Variants in ART3 observed in about 807,000 individuals in gnomAD.
The protein encoded by ART3 is ADP-ribosyltransferase 3 (inactive), also known as ecto-ADP-ribosyltransferase 3.
In ART3, 49 loss-of-function variants were observed where a neutral mutation model predicts 48.5. The observed-to-expected ratio is 1.01, with a 90% CI of 0.80 to 1.28. The LOEUF (loss-of-function observed/expected upper bound fraction) is 1.28. Among genes scored for constraint, ART3 ranks in the 50% most tolerant of loss-of-function variants. ART3 has a pLI of 0.00. For synonymous variants in ART3, 145 were observed against 157.2 expected, an observed-to-expected ratio of 0.92 and a Z score of 0.58; for missense variants, 438 against 454.3, an observed-to-expected ratio of 0.96 and a Z score of 0.33.
chr4:76,088,557 C>T (rs564390625), intron 3 of ART3, among the ~76,000 whole-genome samples: 1 of 152,242 alleles, frequency 6.6e-6, no homozygotes, highest in African/African-American at 2.4e-5. Context: ...TCTACCCCAG[C>T]CCTTGTGTGC....
chr4:76,059,067 T>A (rs2149475253), intron 1 of ART3, among the ~76,000 whole-genome samples: 1 of 152,344 alleles, frequency 6.6e-6, no homozygotes, highest in South Asian at 2.1e-4. Context: ...CAAGAGTAGA[T>A]TACAGTCTGT....
In ART3 at chr4:76,043,653, C is replaced by G. The variant is rs530272389; in HGVS notation, c.-9-32228C>G. On this transcript the variant is annotated intron_variant, in intron 1 of 9. Coordinates refer to the ART3 transcript ENST00000341029. The stretch of plus-strand genomic sequence containing the variant: ...CAAGCGCTGTGCGCAGCCCTGGTTC[C>G]CACTGGCGCCTGTCCCTCCACACCT... Among the ~76,000 whole-genome samples the G allele has an allele frequency of 7.9e-5, 12 of 152,132 alleles. No individual in the cohort carries two copies. In the South Asian group the frequency reaches 2.5e-3, roughly 32 times the overall value.
At chr4:76,103,465 A>G (rs893889235) in intron 8 of ART3, among the ~76,000 whole-genome samples, 1 of 152,198 alleles carries the variant, frequency 6.6e-6, no homozygotes, top group Non-Finnish European at 1.5e-5. Context: ...CGCTCCGTGC[A>G]GTGTACCAAG....
At chr4:76,033,081 A>G (rs751982313) in intron 1 of ART3, among the ~76,000 whole-genome samples, 2 of 152,200 alleles carry the variant, frequency 1.3e-5, no homozygotes, top group Non-Finnish European at 2.9e-5. Context: ...GTGCCTATAT[A>G]GAGAGTACTG....
chr4:76,034,971 T>C, intron 1 of ART3: 1 of 1,437,870 alleles, frequency 7.0e-7, no homozygotes, highest in Non-Finnish European at 9.8e-7. Flanking sequence ...TCTGTAGTTG[T>C]CCACATTATT....
intron 1 of ART3, among the ~76,000 whole-genome samples, chr4:76,040,623 A>G (rs969378698): frequency 2.7e-5 from 4 of 147,468 alleles, no homozygotes; most frequent in African/African-American, 1.0e-4. Flanking sequence ...CTCTGTGAGG[A>G]AGACTACTGC....
At chr4:76,038,972 C>T (rs1399686435) in intron 1 of ART3, among the ~76,000 whole-genome samples, 2 of 152,196 alleles carry the variant, frequency 1.3e-5, no homozygotes, top group African/African-American at 4.8e-5. Flanking sequence ...ATCCTGCCGC[C>T]TTGGCCTCCC....
intron 2 of ART3, among the ~76,000 whole-genome samples, chr4:76,076,274 G>T (rs1578430853): frequency 6.6e-6 from 1 of 152,202 alleles, no homozygotes; most frequent in Non-Finnish European, 1.5e-5. Context: ...AAAGTGCTGG[G>T]ATTACAGGCG....
chr4:76,040,539 G>T (rs1339807814), intron 1 of ART3, among the ~76,000 whole-genome samples: 1 of 47,778 alleles, frequency 2.1e-5, no homozygotes, highest in Non-Finnish European at 3.6e-5. Context: ...CCCCCTCCAT[G>T]TGTCAGGGAC....
At chr4:76,053,225 G>A (rs559541592) in intron 1 of ART3, among the ~76,000 whole-genome samples, 5 of 152,212 alleles carry the variant, frequency 3.3e-5, no homozygotes, top group African/African-American at 1.2e-4. Flanking sequence ...CTTGTCACTG[G>A]AATTGGATTG....
chr4:76,018,295 T>G (rs1034339723), intron 1 of ART3, among the ~76,000 whole-genome samples: 1 of 152,156 alleles, frequency 6.6e-6, no homozygotes, highest in Non-Finnish European at 1.5e-5. Context: ...GCAACAGAGA[T>G]GAAGCTGGAG....
chr4:76,061,806 T>G (rs148995085), intron 1 of ART3, among the ~76,000 whole-genome samples: 1 of 152,350 alleles, frequency 6.6e-6, no homozygotes, highest in East Asian at 1.9e-4. Flanking sequence ...TAACTCCTAC[T>G]TCTTTAGTCT....
At chr4:76,057,656 CT>C (rs1473090743) in intron 1 of ART3, among the ~76,000 whole-genome samples, 4 of 152,124 alleles carry the variant, frequency 2.6e-5, no homozygotes, top group African/African-American at 9.7e-5. Context: ...ATGAGGAGAC[CT>C]AGATACAGAG....
chr4:76,110,110 A>AT (rs5859493), intron 11 of ART3, among the ~76,000 whole-genome samples: 36 of 151,204 alleles, frequency 2.4e-4, no homozygotes, highest in South Asian at 6.2e-4. Context: ...AAAAACATTT[A>AT]TTTTTTTTTT....
intron 1 of ART3, chr4:76,034,915 A>G: frequency 2.2e-6 from 3 of 1,345,608 alleles, no homozygotes; most frequent in Non-Finnish European, 3.2e-6. Context: ...GTTACAACCA[A>G]GGACCCCTTA....
intron 1 of ART3, chr4:76,012,105 A>C (rs897133790): frequency 6.6e-6 from 1 of 152,186 alleles, no homozygotes; most frequent in African/African-American, 2.4e-5. Flanking sequence ...CCAAATGCTA[A>C]TGTAACCCCA....
At chr4:76,110,108 TTA>T (rs200517865) in intron 11 of ART3, among the ~76,000 whole-genome samples, 1 of 115,110 alleles carries the variant, frequency 8.7e-6, no homozygotes, top group African/African-American at 4.0e-5. Context: ...GGAAAAACAT[TTA>T]TTTTTTTTTT....
intron 1 of ART3, among the ~76,000 whole-genome samples, chr4:76,065,294 A>G (rs1025841600): frequency 2.6e-5 from 4 of 152,146 alleles, no homozygotes; most frequent in African/African-American, 7.2e-5. Flanking sequence ...TTATTATTGT[A>G]TACTTTTGGA....
chr4:76,098,733 C>T (rs941204842), intron 4 of ART3, among the ~76,000 whole-genome samples: 1 of 152,258 alleles, frequency 6.6e-6, no homozygotes, highest in Non-Finnish European at 1.5e-5. Flanking sequence ...GCACTCCAGC[C>T]TGGGCGACAA....
Sources: gnomAD v4.1 joint callset for allele counts (sites outside exome capture counted in the v4.1 genomes callset) on GRCh38, gnomAD v4.1.1 for gene constraint, MANE v1.5 for transcripts, NCBI Gene and HGNC (gene_info 2026-07-23, HGNC 2026-07-21) for gene names.